Variants in SCRT2 observed in about 807,000 individuals in gnomAD.
The protein encoded by SCRT2 is transcriptional repressor scratch 2.
A neutral mutation model predicts 3.7 loss-of-function variants in SCRT2; 2 were observed. The ratio of observed to expected loss-of-function variants is 0.54; its 90% CI spans 0.22 to 1.70. SCRT2 has a LOEUF of 1.70. SCRT2 is among the 40% of genes most tolerant of loss of function. The pLI, the probability that SCRT2 is intolerant of heterozygous loss-of-function variation, is 0.19. For missense variants in SCRT2, 456 were observed against 468.5 expected (o/e 0.97, Z 0.25); for synonymous variants, 256 against 220.6 (o/e 1.16, Z -1.42).
In SCRT2 at chr20:663,720, G is replaced by C; in HGVS notation, c.875C>G (p.Ala292Gly). 6.5e-7 allele frequency: 1 copy of C among 1,538,148 alleles called. No individual in the cohort carries two copies. Among genetic ancestry groups the C allele is most frequent in the Non-Finnish European group, 8.7e-7 (1 of 1,145,172 alleles). Residue 292 changes from alanine to glycine, a missense_variant, in exon 2 of 2, where the codon GCC becomes GGC. Ala to Gly is a moderately conservative substitution (Grantham distance 60). This residue lies in a region of SCRT2 where 144 missense variants were observed against 141.9 expected (regional missense o/e 1.01). Transcript: ENST00000246104. The surrounding 1 kb of genome is among the most constrained non-coding windows in gnomAD (Gnocchi z 6.9). ...CGGCGGGGGTGGCTCGGCCGCCTTG[G>C]CGCAGGCCGCCTCGCAGTGCTTGTG... ...YLHKHCEAAC[A>G]KAAEPPPPTP...
At position 662,135 on chromosome 20, in the gene SCRT2, G is replaced by A. The variant is rs974424848; in HGVS notation, c.*1536C>T. The A allele has an allele frequency of 2.0e-5, 3 of 152,930 alleles. No homozygotes were observed. Among genetic ancestry groups the A allele is most frequent in the Non-Finnish European group, 2.9e-5 (2 of 68,302 alleles). The allele number at this position is 152,930 out of a possible 1,614,324, so 9.5% of individuals were successfully genotyped here. Reference sequence around the variant, plus strand: ...AGCGGAGGAGGTAGTGGCGGCCAACGGGCGGGTGGCTGGCAGCCCGGCCCC... The same window carrying A: ...AGCGGAGGAGGTAGTGGCGGCCAACAGGCGGGTGGCTGGCAGCCCGGCCCC... On this transcript the variant is annotated 3_prime_UTR_variant, in exon 2 of 2. Transcript: ENST00000246104.
rs1984117080 is a variant in SCRT2, at chr20:665,183, A to T, written c.134-722T>A. 1.3e-5 allele frequency among the ~76,000 whole-genome samples: 2 copies of T among 152,220 alleles called. No homozygotes were observed. The highest frequency in any genetic ancestry group is 2.1e-4 in the South Asian group (1 of 4,832). ...TATATAAATGTTAGCTATTATAATT[A>T]TGCTTTTTACTTGCTTGGAGATAGT... On this transcript the variant is annotated intron_variant, in intron 1 of 1. Coordinates refer to ENST00000246104, the MANE Select transcript of SCRT2 (RefSeq NM_033129.4). This position sits in a 1 kb window ranked among gnomAD's most constrained non-coding sequence, Gnocchi z 5.0.
intron 1 of SCRT2, among the ~76,000 whole-genome samples, chr20:670,432 C>T (rs1984296160): frequency 1.3e-5 from 2 of 150,890 alleles, no homozygotes; most frequent in South Asian, 4.2e-4. Flanking sequence ...CAGGGGAGTC[C>T]ACAGCTGGGA....
chr20:670,982 T>C (rs1241166779), intron 1 of SCRT2, among the ~76,000 whole-genome samples: 2 of 152,166 alleles, frequency 1.3e-5, no homozygotes, highest in African/African-American at 4.8e-5. Flanking sequence ...CGTTTGATAT[T>C]ATGAAAGGAA....
rs1364721706 is a variant in SCRT2, at chr20:662,401, C to T, written c.*1270G>A. On this transcript the variant is annotated 3_prime_UTR_variant, in exon 2 of 2. Transcript: ENST00000246104. ...TGGACCTCCTGATGCTCCCTCACCCCCCCAGTTGAGGGTCAGCAAGCTGCC... is the reference window on the plus strand; with the variant it reads ...TGGACCTCCTGATGCTCCCTCACCCTCCCAGTTGAGGGTCAGCAAGCTGCC... The T allele has an allele frequency of 6.6e-6, 1 of 152,468 alleles. No individual in the cohort carries two copies. The highest frequency in any genetic ancestry group is 1.5e-5 in the Non-Finnish European group (1 of 68,190). 9.4% of individuals were successfully genotyped at this position (152,468 alleles called of 1,614,324 possible). A position where few individuals can be genotyped will look rare whatever the true frequency, so the allele number is the denominator to read the frequency against.
At chr20:673,494 T>C (rs770174697) in intron 1 of SCRT2, among the ~76,000 whole-genome samples, 5 of 152,196 alleles carry the variant, frequency 3.3e-5, no homozygotes, top group Admixed American at 6.5e-5. Context: ...GCCAGGTTTC[T>C]GGCTATCAGC....
chr20:672,282 C>T (rs567819486), intron 1 of SCRT2, among the ~76,000 whole-genome samples: 2 of 152,206 alleles, frequency 1.3e-5, no homozygotes, highest in Admixed American at 6.5e-5. Context: ...TTTAGGAGTT[C>T]TGTGGGCTTG....
chr20:663,888 C>T lies in SCRT2; in HGVS notation c.707G>A (p.Gly236Asp). ...LLQGHMRSHTGEKPFGCAHCG... is the reference protein window; with the variant it reads ...LLQGHMRSHTDEKPFGCAHCG... ...GTGCGCGCAGCCGAACGGCTTTTCGCCGGTGTGCGAGCGCATGTGACCCTG... is the reference window on the plus strand; with the variant it reads ...GTGCGCGCAGCCGAACGGCTTTTCGTCGGTGTGCGAGCGCATGTGACCCTG... The change falls in exon 2 of 2, where the codon GGC (glycine) becomes GAC (aspartate). Residue 236 changes from glycine to aspartate, a missense_variant. Around this residue, in one of 3 missense-constraint regions of SCRT2, gnomAD observed 144 missense variants for 141.9 expected, o/e 1.01. Transcript: ENST00000246104. The surrounding 1 kb of genome is among the most constrained non-coding windows in gnomAD (Gnocchi z 6.9). The T allele has an allele frequency of 6.2e-7, 1 of 1,603,226 alleles. No homozygotes were observed. The highest frequency in any genetic ancestry group is 8.5e-7 in the Non-Finnish European group (1 of 1,177,202).
intron 1 of SCRT2, among the ~76,000 whole-genome samples, chr20:673,941 G>A (rs1040521474): frequency 1.3e-5 from 2 of 152,266 alleles, no homozygotes; most frequent in South Asian, 4.1e-4. Flanking sequence ...CTTTGGCATG[G>A]CCCCAGGTCC....
rs895972140 is a variant in SCRT2, at chr20:675,670, G to A, written c.-69C>T. ...GGCGCGATCGGCTGTGTCCGCGCGG[G>A]TTTTCAGCACTGGACAGCTCCCAGC... is the stretch of plus-strand genomic sequence containing the variant. On this transcript the variant is annotated 5_prime_UTR_variant, in exon 1 of 2. Transcript: ENST00000246104. This position sits in a 1 kb window ranked among gnomAD's most constrained non-coding sequence, Gnocchi z 6.9. 4.3e-6 allele frequency: 5 copies of A among 1,162,398 alleles called. No individual in the cohort carries two copies. In the African/African-American group the frequency reaches 8.1e-5, roughly 19 times the overall value. 72.0% of individuals were successfully genotyped at this position (1,162,398 alleles called of 1,614,324 possible). A position where few individuals can be genotyped will look rare whatever the true frequency, so the allele number is the denominator to read the frequency against.
rs1201063170 is a variant in SCRT2, at chr20:666,442, G to C, written c.134-1981C>G. On this transcript the variant is annotated intron_variant, in intron 1 of 1. Coordinates refer to ENST00000246104, the MANE Select transcript of SCRT2 (RefSeq NM_033129.4). The surrounding 1 kb of genome is among the most constrained non-coding windows in gnomAD (Gnocchi z 4.4). ...GTAATTCCTGGTGATGATAATAATA[G>C]CTAATATTCACTGAGCACTTACTGT... is the stretch of plus-strand genomic sequence containing the variant. Among the ~76,000 whole-genome samples the C allele has an allele frequency of 1.3e-5, 2 of 152,156 alleles. No homozygotes were observed. The highest frequency in any genetic ancestry group is 2.9e-5 in the Non-Finnish European group (2 of 68,036).
chr20:675,035 C>G lies in SCRT2; in HGVS notation c.133+434G>C, dbSNP rs1276970817. ...GCCACCCCCAGGGAACCAACCCTGT[C>G]TCTCCAGGGACTGAACATCCAGGGC... is the stretch of plus-strand genomic sequence containing the variant. On this transcript the variant is annotated intron_variant, in intron 1 of 1. Transcript: ENST00000246104. The surrounding 1 kb of genome is among the most constrained non-coding windows in gnomAD (Gnocchi z 6.9). Among the ~76,000 whole-genome samples the G allele has an allele frequency of 6.6e-6, 1 of 152,118 alleles. No homozygotes were observed. The highest frequency in any genetic ancestry group is 1.5e-5 in the Non-Finnish European group (1 of 68,006).
At position 675,461 on chromosome 20, in the gene SCRT2, C is replaced by G; in HGVS notation, c.133+8G>C. 1 of 1,323,084 alleles carries G rather than the reference C, an allele frequency of 7.6e-7. No individual in the cohort carries two copies. The highest frequency in any genetic ancestry group is 9.7e-7 in the Non-Finnish European group (1 of 1,029,508). The allele number at this position is 1,323,084 out of a possible 1,614,324, so 82.0% of individuals were successfully genotyped here. A position where few individuals can be genotyped will look rare whatever the true frequency, so the allele number is the denominator to read the frequency against. On this transcript the variant is annotated splice_region_variant and intron_variant, in intron 1 of 1. Coordinates refer to ENST00000246104, the MANE Select transcript of SCRT2 (RefSeq NM_033129.4). This position sits in a 1 kb window ranked among gnomAD's most constrained non-coding sequence, Gnocchi z 6.9. ...CCCAACCCCCCGCCCCCGCCGGGTC[C>G]CACTCACCGTTGTCCCCGGGAGGCC...
chr20:672,232 G>T (rs1050643874), intron 1 of SCRT2, among the ~76,000 whole-genome samples: 1 of 152,186 alleles, frequency 6.6e-6, no homozygotes, highest in Non-Finnish European at 1.5e-5. Flanking sequence ...TCTGCAGAGA[G>T]ACCTGGTGCT....
rs1984086260 is a variant in SCRT2 at position 664,421 on chromosome 20, C to T, written c.174G>A (p.Ala58=). 3 of 1,326,676 alleles carry T rather than the reference C, an allele frequency of 2.3e-6. No homozygotes were observed. The highest frequency in any genetic ancestry group is 3.9e-5 in the South Asian group (2 of 51,404). The allele number at this position is 1,326,676 out of a possible 1,614,324, so 82.2% of individuals were successfully genotyped here. Residue 58 remains alanine (A), a synonymous_variant, in exon 2 of 2, where the codon GCG becomes GCA. Coordinates refer to ENST00000246104, the MANE Select transcript of SCRT2 (RefSeq NM_033129.4). The surrounding 1 kb of genome is among the most constrained non-coding windows in gnomAD (Gnocchi z 7.9). The part of the protein sequence containing the change: ...PHRLPPSSYD[A]DQKPGLELAP... The stretch of plus-strand genomic sequence containing the variant: ...CCAGCTCCAGGCCCGGCTTCTGGTC[C>T]GCATCGTAGCTGCTCGGGGGCAGGC...
intron 1 of SCRT2, among the ~76,000 whole-genome samples, chr20:671,580 C>CTA (rs1285102891): frequency 4.6e-5 from 7 of 152,200 alleles, no homozygotes; most frequent in Non-Finnish European, 1.0e-4. Context: ...TGTGTGGCAG[C>CTA]TGGGGACATT....
At chr20:674,916 G>A (rs1984476835) in intron 1 of SCRT2, among the ~76,000 whole-genome samples, 1 of 152,186 alleles carries the variant, frequency 6.6e-6, no homozygotes, top group African/African-American at 2.4e-5. Flanking sequence ...GCATGTGGCT[G>A]AGGGTAACAA....
chr20:664,375 G>T lies in SCRT2; in HGVS notation c.220C>A (p.Pro74Thr). The change falls in exon 2 of 2, where the codon CCG becomes ACG. Residue 74 changes from proline to threonine, a missense_variant. Around this residue, in one of 3 missense-constraint regions of SCRT2, gnomAD observed 306 missense variants for 305.3 expected, o/e 1.00. Coordinates refer to ENST00000246104, the MANE Select transcript of SCRT2 (RefSeq NM_033129.4). The surrounding 1 kb of genome is among the most constrained non-coding windows in gnomAD (Gnocchi z 7.9). Reference sequence around the variant, plus strand: ...CTGTACTCCTCCGGCGCCGCCGGCGGGTACGCGGGCTCGGCCGGGGCCAGC... The same window carrying T: ...CTGTACTCCTCCGGCGCCGCCGGCGTGTACGCGGGCTCGGCCGGGGCCAGC... Reference protein sequence around the residue: ...LELAPAEPAYPPAAPEEYSDP... With the variant: ...LELAPAEPAYTPAAPEEYSDP... 7.0e-7 allele frequency: 1 copy of T among 1,434,862 alleles called. No homozygotes were observed. Among genetic ancestry groups the T allele is most frequent in the Non-Finnish European group, 9.3e-7 (1 of 1,080,956 alleles). 88.9% of individuals were successfully genotyped at this position (1,434,862 alleles called of 1,614,324 possible). A position where few individuals can be genotyped will look rare whatever the true frequency, so the allele number is the denominator to read the frequency against.
chr20:662,169 G>A lies in SCRT2; in HGVS notation c.*1502C>T, dbSNP rs1983973368. On this transcript the variant is annotated 3_prime_UTR_variant, in exon 2 of 2. Transcript: ENST00000246104. ...GCTGGCAGCCCGGCCCCTCTGTCCG[G>A]GAGAGTTGCATAGACATGGCCGGGA... 1 of 152,854 alleles carries A rather than the reference G, an allele frequency of 6.5e-6. No homozygotes were observed. The highest frequency in any genetic ancestry group is 2.1e-4 in the South Asian group (1 of 4,834). The allele number at this position is 152,854 out of a possible 1,614,324, so 9.5% of individuals were successfully genotyped here.
Sources: gnomAD v4.1 joint callset for allele counts (sites outside exome capture counted in the v4.1 genomes callset) on GRCh38, gnomAD v4.1.1 for gene constraint, gnomAD v4.1.1 regional missense constraint, Gnocchi (gnomAD v3.1) non-coding constraint, MANE v1.5 for transcripts, NCBI Gene and HGNC (gene_info 2026-07-23, HGNC 2026-07-21) for gene names.